Variants in MCC observed in about 807,000 individuals in gnomAD.
The protein encoded by MCC is colorectal mutant cancer protein.
A neutral mutation model predicts 116.2 loss-of-function variants in MCC; 90 were observed. The observed-to-expected ratio is 0.77, with a 90% CI of 0.65 to 0.92. The LOEUF is 0.92. Ranked by LOEUF, MCC falls within the 40% of genes least tolerant of loss-of-function variation. The pLI is 0.00. For missense variants in MCC, 1,516 were observed against 1,312.2 expected, an observed-to-expected ratio of 1.16 and a Z score of -2.40; for synonymous variants, 578 against 510.5, an observed-to-expected ratio of 1.13 and a Z score of -1.78.
chr5:113,390,081 T>C (rs188711526), intron 1 of MCC, among the ~76,000 whole-genome samples: 21 of 152,242 alleles, frequency 1.4e-4, no homozygotes, highest in Admixed American at 1.1e-3. Flanking sequence ...AATAACAACA[T>C]CATGTAAGTG....
chr5:113,474,232 A>T (rs966945715), intron 1 of MCC, among the ~76,000 whole-genome samples: 11 of 152,194 alleles, frequency 7.2e-5, no homozygotes, highest in African/African-American at 2.7e-4. Context: ...GGGAGAAAGG[A>T]AATGAAAACT....
chr5:113,373,396 C>G (rs1768890631), intron 2 of MCC, among the ~76,000 whole-genome samples: 1 of 152,024 alleles, frequency 6.6e-6, no homozygotes, highest in Admixed American at 6.5e-5. Flanking sequence ...AACTGAAGTT[C>G]AAATATACCT....
chr5:113,384,861 T>C (rs1243966072), intron 2 of MCC, 107 bp downstream of exon 2: 3 of 1,296,162 alleles, frequency 2.3e-6, no homozygotes, highest in African/African-American at 2.9e-5. Context: ...GCAGCCTCAG[T>C]ATGAGCTGAG....
At chr5:113,098,758 T>C (rs1156820293) in intron 8 of MCC, among the ~76,000 whole-genome samples, 2 of 152,252 alleles carry the variant, frequency 1.3e-5, no homozygotes, top group South Asian at 2.1e-4. Context: ...ACCAATCCTA[T>C]TGATCTGGTC....
At chr5:113,267,509 A>G (rs76752574) in intron 3 of MCC, among the ~76,000 whole-genome samples, 289 of 152,338 alleles carry the variant, frequency 1.9e-3, no homozygotes, top group African/African-American at 6.8e-3. Context: ...TAGGTGAAGC[A>G]TGCCACTCAA....
At chr5:113,184,675 G>T (rs900984762) in intron 3 of MCC, among the ~76,000 whole-genome samples, 6 of 151,976 alleles carry the variant, frequency 3.9e-5, no homozygotes, top group Admixed American at 3.9e-4. Flanking sequence ...GGTCAACAAG[G>T]ATTATTTTTA....
Position 113,410,970 on chromosome 5 carries a change from T to C in MCC, c.171-25758A>G, listed in dbSNP as rs528531005. 1.1e-4 allele frequency among the ~76,000 whole-genome samples: 16 copies of C among 152,248 alleles called. No homozygotes were observed. The East Asian group carries it at 2.9e-3, about 28-fold the overall frequency. On this transcript the variant is annotated intron_variant, in intron 1 of 18. Coordinates refer to ENST00000408903, the MANE Select transcript of MCC (RefSeq NM_001085377.2). ...TTTATGGCTGCATAGTATTCCATGG[T>C]GTATATGTGCCACATTTTCTTAATC...
At chr5:113,307,347 T>G (rs1767015061) in intron 3 of MCC, among the ~76,000 whole-genome samples, 1 of 152,252 alleles carries the variant, frequency 6.6e-6, no homozygotes, top group African/African-American at 2.4e-5. Context: ...TAGTTTTCCA[T>G]GTATAAATCT....
chr5:113,433,766 G>T lies in MCC; in HGVS notation c.171-48554C>A, dbSNP rs780226113. 15 of 1,613,654 alleles carry T rather than the reference G, an allele frequency of 9.3e-6. No individual in the cohort carries two copies. The East Asian group carries it at 1.6e-4, about 17-fold the overall frequency. Reference sequence around the variant, plus strand: ...GGGCCCGCGTCTCTGGAGGCTGTTGGGGGGGCCCTTCCTCTGTCTCCATAG... The same window carrying T: ...GGGCCCGCGTCTCTGGAGGCTGTTGTGGGGGCCCTTCCTCTGTCTCCATAG... On this transcript the variant is annotated intron_variant, in intron 1 of 18. Transcript: ENST00000408903.
intron 2 of MCC, among the ~76,000 whole-genome samples, chr5:113,344,765 C>T (rs575923512): frequency 1.1e-4 from 17 of 152,038 alleles, no homozygotes; most frequent in African/African-American, 3.6e-4. Context: ...AGTCATTGGG[C>T]CCCGAATAAT....
intron 3 of MCC, among the ~76,000 whole-genome samples, chr5:113,225,208 A>T (rs1763689337): frequency 6.6e-6 from 1 of 152,218 alleles, no homozygotes; most frequent in Admixed American, 6.5e-5. Flanking sequence ...GACTTCACGT[A>T]TGACACTTAT....
chr5:113,432,836 A>G (rs974184834), intron 1 of MCC: 2 of 152,246 alleles, frequency 1.3e-5, no homozygotes, highest in East Asian at 1.9e-4. Flanking sequence ...CTACAAAATC[A>G]ATTACAAGGA....
chr5:113,189,119 C>T (rs1477011745), intron 3 of MCC, among the ~76,000 whole-genome samples: 1 of 152,178 alleles, frequency 6.6e-6, no homozygotes, highest in African/African-American at 2.4e-5. Flanking sequence ...CAACCTCAGA[C>T]TTGCTTCAAG....
chr5:113,249,376 T>C (rs760426557), intron 3 of MCC, among the ~76,000 whole-genome samples: 2 of 152,172 alleles, frequency 1.3e-5, no homozygotes, highest in Non-Finnish European at 2.9e-5. Flanking sequence ...TTACCAACTT[T>C]ACTGAGATGA....
intron 2 of MCC, among the ~76,000 whole-genome samples, chr5:113,369,355 A>G (rs1768782875): frequency 6.6e-6 from 1 of 152,194 alleles, no homozygotes; most frequent in Admixed American, 6.5e-5. Context: ...TGGAGATTTT[A>G]AGGATATGAA....
At chr5:113,294,657 G>C in intron 3 of MCC, 1 of 1,083,542 alleles carries the variant, frequency 9.2e-7, no homozygotes, top group South Asian at 4.4e-5. Context: ...CCCGCGCGGG[G>C]ACCCTCCCGC....
intron 8 of MCC, among the ~76,000 whole-genome samples, chr5:113,093,459 C>A (rs952627470): frequency 1.3e-5 from 2 of 149,634 alleles, no homozygotes; most frequent in African/African-American, 5.0e-5. Context: ...TCTTATCTAT[C>A]TATCTGTTGA....
At chr5:113,435,597 AAG>A (rs1384633742) in intron 1 of MCC, 4 of 152,534 alleles carry the variant, frequency 2.6e-5, no homozygotes, top group Admixed American at 6.5e-5. Flanking sequence ...CAGGGCCAAG[AAG>A]AGTGGTGTGT....
intron 9 of MCC, among the ~76,000 whole-genome samples, chr5:113,084,525 T>C (rs900223017): frequency 5.3e-5 from 8 of 152,252 alleles, no homozygotes; most frequent in African/African-American, 1.9e-4. Flanking sequence ...AAATGTCCCC[T>C]GGAGGATGAA....
Sources: allele counts gnomAD v4.1 joint callset (sites outside exome capture counted in the v4.1 genomes callset), GRCh38; gene constraint gnomAD v4.1.1; transcripts MANE v1.5; gene names NCBI Gene and HGNC (gene_info 2026-07-23, HGNC 2026-07-21).